EMC2: variants seen among roughly 807,000 people sequenced by gnomAD.
EMC2 encodes TPR repeat protein 35.
Under a neutral mutation model 51.6 loss-of-function variants are expected in EMC2, and 37 were observed. That is an observed-to-expected ratio of 0.72 (90% CI 0.55 to 0.94). The LOEUF is 0.94. EMC2 is among the 40% of genes least tolerant of loss of function. The pLI is 0.00. For synonymous variants in EMC2, 131 were observed against 112.4 expected (o/e 1.17, Z -1.04); for missense variants, 359 against 350.9 (o/e 1.02, Z -0.18).
intron 5 of EMC2, among the ~76,000 whole-genome samples, chr8:108,467,119 T>A (rs368041999): frequency 6.6e-6 from 1 of 152,350 alleles, no homozygotes; most frequent in South Asian, 2.1e-4. Context: ...AAATTTGTGA[T>A]GTATTCATTT....
chr8:108,469,213 A>G (rs1810801488), intron 5 of EMC2, among the ~76,000 whole-genome samples: 1 of 152,214 alleles, frequency 6.6e-6, no homozygotes, highest in South Asian at 2.1e-4. Flanking sequence ...GGCAAACAGT[A>G]GAAGTCTGGT....
At chr8:108,485,543 G>A (rs7012973) in intron 10 of EMC2, among the ~76,000 whole-genome samples, 4 of 65,716 alleles carry the variant, frequency 6.1e-5, no homozygotes, top group African/African-American at 9.7e-5. Flanking sequence ...ATATATATAT[G>A]TATATATATA....
chr8:108,475,888 A>C lies in EMC2; in HGVS notation c.516A>C (p.Ala172=). 1 of 1,591,152 alleles carries C rather than the reference A, an allele frequency of 6.3e-7. No individual in the cohort carries two copies. Among genetic ancestry groups the C allele is most frequent in the Non-Finnish European group, 8.6e-7 (1 of 1,165,152 alleles). ...CCTCTTGATGTGTTTTTAGCTATGC[A>C]AAAGCAGCCTTTTGTTTAGAGGAAC... ...AELYINEHDY[A]KAAFCLEELM... is the part of the protein sequence containing the mutation. The change falls in exon 8 of 11, where the codon GCA becomes GCC. Residue 172 remains alanine, a synonymous_variant. Coordinates refer to ENST00000220853, the MANE Select transcript of EMC2 (RefSeq NM_014673.5).
rs147950449 is a variant in EMC2 at position 108,479,049 on chromosome 8, C to T, written c.746C>T (p.Thr249Met). ...TCTAATCCAAAAGCAAGTGCAAAAA[C>T]GAAAAAGGACAACATGAAATATGCT... ...IASNPKASAK[T>M]KKDNMKYASW... Residue 249 changes from threonine to methionine, a missense_variant, in exon 10 of 11, where the codon ACG (threonine) becomes ATG (methionine). Coordinates refer to ENST00000220853, the MANE Select transcript of EMC2 (RefSeq NM_014673.5). 12 of 1,582,056 alleles carry T rather than the reference C, an allele frequency of 7.6e-6. 1 individual carries two copies. The highest frequency in any genetic ancestry group is 7.1e-5 in the Admixed American group (4 of 56,120).
At chr8:108,450,576 A>T in intron 3 of EMC2, 84 bp downstream of exon 3, 1 of 836,164 alleles carries the variant, frequency 1.2e-6, no homozygotes. Flanking sequence ...CTTATATGGA[A>T]TGCTTTCAAT....
At chr8:108,453,782 CTAT>C (rs1423397888) in intron 4 of EMC2, among the ~76,000 whole-genome samples, 1 of 151,980 alleles carries the variant, frequency 6.6e-6, no homozygotes, top group East Asian at 1.9e-4. Flanking sequence ...TATATTCTGC[CTAT>C]TATGTCTGTT....
chr8:108,443,867 G>A (rs866052635), intron 1 of EMC2, among the ~76,000 whole-genome samples, 169 bp downstream of exon 1: 2 of 152,186 alleles, frequency 1.3e-5, no homozygotes, highest in African/African-American at 2.4e-5. Flanking sequence ...CCCTTGGCCC[G>A]GACGCGTACT....
At chr8:108,459,222 C>A (rs1352996257) in intron 5 of EMC2, among the ~76,000 whole-genome samples, 1 of 152,118 alleles carries the variant, frequency 6.6e-6, no homozygotes, top group Admixed American at 6.5e-5. Flanking sequence ...CCACATTTTC[C>A]CATCTTCTTC....
Position 108,468,507 on chromosome 8 carries a change from ACAT to A in EMC2, c.364-1315_364-1313del, listed in dbSNP as rs1810778344. On this transcript the variant is annotated intron_variant, in intron 5 of 10. Transcript: ENST00000220853. ...ATGCTTAAGGATATATATTATTAAA[ACAT>A]CATTTTTTAATTACCCAAAATATTA... 1.3e-5 allele frequency among the ~76,000 whole-genome samples: 2 copies of A among 152,064 alleles called. 1 individual carries two copies. Among genetic ancestry groups the A allele is most frequent in the Admixed American group, 1.3e-4 (2 of 15,266 alleles).
chr8:108,455,456 C>T (rs1032425117), intron 4 of EMC2, among the ~76,000 whole-genome samples: 1 of 152,052 alleles, frequency 6.6e-6, no homozygotes, highest in South Asian at 2.1e-4. Context: ...TTTTTGCATC[C>T]TGTTTACTTT....
rs145594275 is a variant in EMC2 at position 108,488,225 on chromosome 8, C to T, written c.*1627C>T. Among the ~76,000 whole-genome samples, 3,216 of 149,228 alleles carry T rather than the reference C, an allele frequency of 0.022. 58 individuals are homozygous for T. The highest frequency in any genetic ancestry group is 0.056 in the Middle Eastern group (16 of 288). ...TGTCACCCAGGCTGGAGTGCAGTGA[C>T]GTGATCGCAGCTCACTGCAACCTCC... On this transcript the variant is annotated 3_prime_UTR_variant, in exon 11 of 11. Coordinates refer to ENST00000220853, the MANE Select transcript of EMC2 (RefSeq NM_014673.5).
Position 108,461,104 on chromosome 8 carries a change from G to A in EMC2, c.363+5174G>A, listed in dbSNP as rs114795301. On this transcript the variant is annotated intron_variant, in intron 5 of 10. Coordinates refer to ENST00000220853, the MANE Select transcript of EMC2 (RefSeq NM_014673.5). ...AAGTTACTCCACAGAAGACATCGCCGTTTCTTTTTCCAAAGCAACTTAGTA... is the reference window on the plus strand; with the variant it reads ...AAGTTACTCCACAGAAGACATCGCCATTTCTTTTTCCAAAGCAACTTAGTA... Among the ~76,000 whole-genome samples, 1,160 of 152,310 alleles carry A rather than the reference G, an allele frequency of 7.6e-3. 13 individuals are homozygous for A. Among genetic ancestry groups the A allele is most frequent in the African/African-American group, 0.027 (1,111 of 41,564 alleles).
chr8:108,451,344 CTTGAT>C (rs1364367717), intron 3 of EMC2, among the ~76,000 whole-genome samples: 11 of 151,616 alleles, frequency 7.3e-5, no homozygotes, highest in South Asian at 6.2e-4. Flanking sequence ...ATAATTATTT[CTTGAT>C]TTGATTTGTG....
At chr8:108,469,790 A>G (rs1386009450) in intron 5 of EMC2, 36 bp from the exon 6 acceptor site, 34 of 1,552,746 alleles carry the variant, frequency 2.2e-5, no homozygotes, top group Non-Finnish European at 2.7e-5. Context: ...CCAAGGAATC[A>G]TAAGGGCCTA....
intron 8 of EMC2, 68 bp from the exon 9 acceptor site, chr8:108,476,714 T>C: frequency 1.4e-6 from 1 of 740,104 alleles, no homozygotes. Context: ...GCCTATGGTA[T>C]GATGAAACCA....
intron 9 of EMC2, among the ~76,000 whole-genome samples, chr8:108,477,628 A>T (rs1810970975): frequency 6.6e-6 from 1 of 152,100 alleles, no homozygotes; most frequent in South Asian, 2.1e-4. Context: ...CAATTTTTAA[A>T]AAGGAATGGC....
intron 5 of EMC2, among the ~76,000 whole-genome samples, chr8:108,458,334 G>A (rs1290237184): frequency 2.0e-5 from 3 of 152,194 alleles, no homozygotes; most frequent in African/African-American, 7.2e-5. Flanking sequence ...ATTAGGCAGT[G>A]CCCTAGTAGG....
chr8:108,474,399 AT>A (rs1434572195), intron 7 of EMC2: 1 of 151,978 alleles, frequency 6.6e-6, no homozygotes, highest in Non-Finnish European at 1.5e-5. Context: ...AGTGATAAAT[AT>A]ATATTAGGTA....
chr8:108,470,178 A>G, intron 7 of EMC2, 57 bp downstream of exon 7: 2 of 1,200,890 alleles, frequency 1.7e-6, no homozygotes, highest in Non-Finnish European at 2.5e-6. Flanking sequence ...CTGTAAGTTC[A>G]GAAAGCACTG....
Sources: allele counts gnomAD v4.1 joint callset (sites outside exome capture counted in the v4.1 genomes callset), GRCh38; gene constraint gnomAD v4.1.1; transcripts MANE v1.5; gene names NCBI Gene and HGNC (gene_info 2026-07-23, HGNC 2026-07-21).